Variants in GRM7 observed in about 807,000 individuals in gnomAD.
The protein encoded by GRM7 is metabotropic glutamate receptor 7.
In GRM7, 35 loss-of-function variants were observed where a neutral mutation model predicts 84.5. The ratio of observed to expected loss-of-function variants is 0.41; its 90% CI spans 0.32 to 0.55. The LOEUF (loss-of-function observed/expected upper bound fraction) is 0.55, where lower values mean the gene tolerates loss of function less well. Ranked by LOEUF, GRM7 falls within the 20% of genes least tolerant of loss-of-function variation. GRM7 has a pLI of 0.19. For synonymous variants in GRM7, 487 were observed against 455.1 expected (o/e 1.07, Z -0.89); for missense variants, 1,003 against 1,194.6 (o/e 0.84, Z 2.36).
intron 7 of GRM7, among the ~76,000 whole-genome samples, chr3:7,504,017 T>C (rs1347093788): frequency 1.3e-5 from 2 of 152,158 alleles, no homozygotes; most frequent in Admixed American, 1.3e-4. Flanking sequence ...TATATGAGAA[T>C]ATAAACAAAA....
intron 1 of GRM7, among the ~76,000 whole-genome samples, chr3:6,917,644 G>GA (rs1696988081): frequency 6.6e-6 from 1 of 151,998 alleles, no homozygotes; most frequent in Non-Finnish European, 1.5e-5. Flanking sequence ...AAATGTCCTT[G>GA]AAAGTTCCCA....
At chr3:7,382,753 A>G (rs73115533) in intron 4 of GRM7, among the ~76,000 whole-genome samples, 1,881 of 152,340 alleles carry the variant, frequency 0.012, 41 homozygotes, top group African/African-American at 0.043. Flanking sequence ...CTAAAACAAC[A>G]TTTGAAGAAA....
chr3:7,535,742 G>A (rs751714183), intron 7 of GRM7, among the ~76,000 whole-genome samples: 4 of 152,132 alleles, frequency 2.6e-5, no homozygotes, highest in African/African-American at 4.8e-5. Context: ...AAACATACCT[G>A]GGGAATTTTA....
chr3:7,324,993 T>C (rs1466593224), intron 4 of GRM7, among the ~76,000 whole-genome samples: 4 of 152,214 alleles, frequency 2.6e-5, no homozygotes, highest in African/African-American at 9.6e-5. Context: ...AGGCTAGCAC[T>C]TTCTCAGTTG....
chr3:7,665,268 T>G (rs1183740431), intron 8 of GRM7, among the ~76,000 whole-genome samples: 1 of 149,404 alleles, frequency 6.7e-6, no homozygotes, highest in Non-Finnish European at 1.5e-5. Flanking sequence ...GCCTCCCGGG[T>G]TCACGCCATT....
At chr3:6,958,095 G>A (rs533468560) in intron 1 of GRM7, among the ~76,000 whole-genome samples, 41 of 151,550 alleles carry the variant, frequency 2.7e-4, no homozygotes, top group Middle Eastern at 3.4e-3. Context: ...GTGTGTGTGT[G>A]TATATATATA....
intron 1 of GRM7, among the ~76,000 whole-genome samples, chr3:7,126,804 C>T (rs549426094): frequency 1.3e-5 from 2 of 152,248 alleles, no homozygotes; most frequent in African/African-American, 4.8e-5. Context: ...CTCTTCATGG[C>T]CCATCATATA....
chr3:7,039,637 G>A (rs1696517364), intron 1 of GRM7, among the ~76,000 whole-genome samples: 1 of 152,016 alleles, frequency 6.6e-6, no homozygotes, highest in South Asian at 2.1e-4. Context: ...TTCCATCTAG[G>A]GAGTGTCAAT....
chr3:6,985,312 C>T (rs986492020), intron 1 of GRM7, among the ~76,000 whole-genome samples: 1 of 151,996 alleles, frequency 6.6e-6, no homozygotes. Flanking sequence ...CTTATTCATT[C>T]TTTCTATTTT....
chr3:6,934,897 A>T (rs115097602), intron 1 of GRM7, among the ~76,000 whole-genome samples: 10,432 of 152,244 alleles, frequency 0.069, 464 homozygotes, highest in Middle Eastern at 0.1. Flanking sequence ...TCTTCCCCCA[A>T]ACAGAATTAT....
intron 4 of GRM7, among the ~76,000 whole-genome samples, chr3:7,412,582 G>C (rs1181485117): frequency 6.6e-6 from 1 of 152,122 alleles, no homozygotes; most frequent in African/African-American, 2.4e-5. Context: ...AGTTAAAAGA[G>C]GAAAGAACCA....
chr3:7,164,120 A>T (rs1362334892), intron 2 of GRM7, among the ~76,000 whole-genome samples: 2 of 152,158 alleles, frequency 1.3e-5, no homozygotes, highest in Admixed American at 1.3e-4. Flanking sequence ...GCACTTTGGG[A>T]GGCTGAGGTG....
intron 1 of GRM7, among the ~76,000 whole-genome samples, chr3:6,945,304 C>A (rs547216428): frequency 6.9e-6 from 1 of 145,642 alleles, no homozygotes; most frequent in Non-Finnish European, 1.5e-5. Context: ...TGAGTGAGAA[C>A]ATGCAATGTT....
At chr3:7,134,592 C>T (rs886096443) in intron 1 of GRM7, among the ~76,000 whole-genome samples, 1 of 152,114 alleles carries the variant, frequency 6.6e-6, no homozygotes, top group Non-Finnish European at 1.5e-5. Context: ...CATATTACTT[C>T]TCTTGAAGCT....
intron 2 of GRM7, among the ~76,000 whole-genome samples, chr3:7,196,331 G>A (rs888453406): frequency 6.6e-6 from 1 of 151,982 alleles, no homozygotes; most frequent in African/African-American, 2.4e-5. Context: ...TCATCTAAAG[G>A]CACCCTCATA....
intron 1 of GRM7, among the ~76,000 whole-genome samples, chr3:7,045,405 AG>A (rs1696769779): frequency 6.6e-6 from 1 of 152,154 alleles, no homozygotes; most frequent in African/African-American, 2.4e-5. Flanking sequence ...TCTTTCTTTA[AG>A]GATAAGAAGA....
At chr3:7,303,517 T>C (rs983401892) in intron 3 of GRM7, among the ~76,000 whole-genome samples, 1 of 152,154 alleles carries the variant, frequency 6.6e-6, no homozygotes, top group Non-Finnish European at 1.5e-5. Flanking sequence ...TATCAGGTTT[T>C]AATTTGACAA....
At chr3:7,665,572 C>T (rs1699665381) in intron 8 of GRM7, among the ~76,000 whole-genome samples, 1 of 152,132 alleles carries the variant, frequency 6.6e-6, no homozygotes, top group African/African-American at 2.4e-5. Flanking sequence ...TTGTCAGTTC[C>T]CTTTAGAAAT....
intron 1 of GRM7, among the ~76,000 whole-genome samples, chr3:7,083,403 T>G (rs1427139298): frequency 6.6e-6 from 1 of 152,140 alleles, no homozygotes; most frequent in Middle Eastern, 3.2e-3. Context: ...CAATACAGTG[T>G]GAACACAATT....
Sources: allele counts gnomAD v4.1 joint callset (sites outside exome capture counted in the v4.1 genomes callset), GRCh38; gene constraint gnomAD v4.1.1; transcripts MANE v1.5; gene names NCBI Gene and HGNC (gene_info 2026-07-23, HGNC 2026-07-21).